BICRAL: variants seen among roughly 807,000 people sequenced by gnomAD.
The protein encoded by BICRAL is BRD4-interacting chromatin-remodeling complex-associated protein-like.
Under a neutral mutation model 91.8 loss-of-function variants are expected in BICRAL, and 8 were observed. The ratio of observed to expected loss-of-function variants is 0.09; its 90% CI spans 0.05 to 0.16. The LOEUF (loss-of-function observed/expected upper bound fraction) is 0.16, where lower values mean the gene tolerates loss of function less well. BICRAL is among the 10% of genes least tolerant of loss of function. BICRAL has a pLI of 1.00. For synonymous variants in BICRAL, 445 were observed against 491.1 expected (o/e 0.91, Z 1.24); for missense variants, 1,038 against 1,310.9 (o/e 0.79, Z 3.21).
At chr6:42,852,569 G>T in intron 7 of BICRAL, 1 of 367,466 alleles carries the variant, frequency 2.7e-6, no homozygotes, top group Non-Finnish European at 5.4e-6. Flanking sequence ...GGCTGAGGCA[G>T]GAGAATCGCT....
At chr6:42,843,590 T>G (rs1764877241) in intron 6 of BICRAL, among the ~76,000 whole-genome samples, 1 of 152,078 alleles carries the variant, frequency 6.6e-6, no homozygotes, top group African/African-American at 2.4e-5. Context: ...TAAGGATGAC[T>G]TACAGGTTTC....
chr6:42,747,659 G>C (rs1335667468), intron 1 of BICRAL, among the ~76,000 whole-genome samples: 1 of 152,214 alleles, frequency 6.6e-6, no homozygotes, highest in Non-Finnish European at 1.5e-5. Context: ...AGAGGCTTGT[G>C]TGTCCGCGTG....
intron 1 of BICRAL, among the ~76,000 whole-genome samples, chr6:42,770,289 C>T (rs935298904): frequency 6.6e-6 from 1 of 152,024 alleles, no homozygotes; most frequent in African/African-American, 2.4e-5. Context: ...AGTGCAGAGG[C>T]GTGATCTCGG....
intron 1 of BICRAL, among the ~76,000 whole-genome samples, chr6:42,784,295 T>G (rs1273708942): frequency 6.6e-6 from 1 of 152,170 alleles, no homozygotes; most frequent in African/African-American, 2.4e-5. Context: ...GTAGTATCTA[T>G]TAGAGATGGG....
chr6:42,857,068 C>T (rs1481745446), intron 9 of BICRAL, 23 bp from the exon 10 acceptor site: 2 of 1,589,132 alleles, frequency 1.3e-6, no homozygotes, highest in South Asian at 1.1e-5. Flanking sequence ...TTTACATTGA[C>T]ATTGACCATT....
chr6:42,774,729 C>G (rs1162996970), intron 1 of BICRAL, among the ~76,000 whole-genome samples: 1 of 151,984 alleles, frequency 6.6e-6, no homozygotes, highest in Non-Finnish European at 1.5e-5. Flanking sequence ...ATTATATGGT[C>G]TAAGGGTATT....
chr6:42,769,410 C>T (rs1433040334), intron 1 of BICRAL, among the ~76,000 whole-genome samples: 2 of 152,184 alleles, frequency 1.3e-5, no homozygotes, highest in African/African-American at 4.8e-5. Flanking sequence ...TCTGCCCTAT[C>T]CTATTGGTCA....
chr6:42,773,637 C>T (rs1406055267), intron 1 of BICRAL, among the ~76,000 whole-genome samples: 1 of 152,152 alleles, frequency 6.6e-6, no homozygotes, highest in Non-Finnish European at 1.5e-5. Context: ...GCCTCAGCAT[C>T]CCGAGTAGCT....
chr6:42,843,604 C>T (rs1276790565), intron 6 of BICRAL, among the ~76,000 whole-genome samples: 2 of 152,052 alleles, frequency 1.3e-5, no homozygotes, highest in Non-Finnish European at 2.9e-5. Context: ...AGGTTTCTGA[C>T]AGTGACACAC....
chr6:42,763,973 G>A (rs372049836), intron 1 of BICRAL, among the ~76,000 whole-genome samples: 157 of 151,704 alleles, frequency 1.0e-3, no homozygotes, highest in African/African-American at 3.7e-3. Flanking sequence ...TGGGCACAGT[G>A]GCTCACACCT....
chr6:42,791,741 GGT>G (rs1028368277), intron 1 of BICRAL, among the ~76,000 whole-genome samples: 20 of 152,208 alleles, frequency 1.3e-4, no homozygotes, highest in African/African-American at 4.8e-4. Flanking sequence ...TAGGACTATA[GGT>G]GTGAACCACT....
intron 2 of BICRAL, among the ~76,000 whole-genome samples, chr6:42,821,480 CAG>C (rs1043130174): frequency 1.3e-5 from 2 of 152,266 alleles, no homozygotes; most frequent in Admixed American, 1.3e-4. Context: ...CCAGAGCCTG[CAG>C]AGACTGCCTG....
rs1277297903 is a variant in BICRAL, at chr6:42,772,309, A to C, written c.-260-9530A>C. 2.6e-5 allele frequency among the ~76,000 whole-genome samples: 4 copies of C among 152,304 alleles called. No individual in the cohort carries two copies. The East Asian group carries it at 7.7e-4, about 29-fold the overall frequency. ...GTTTCTTGGGATTGAGTCTCAAGCA[A>C]AGATGTTTGAAAGCCACTGAGTTAG... On this transcript the variant is annotated intron_variant, in intron 1 of 14. Transcript: ENST00000614467.
intron 1 of BICRAL, among the ~76,000 whole-genome samples, chr6:42,776,843 T>C (rs1762815031): frequency 6.6e-6 from 1 of 152,238 alleles, no homozygotes; most frequent in African/African-American, 2.4e-5. Context: ...GGCTGTATAG[T>C]ACTGCCTGTA....
chr6:42,852,147 ACGG>A lies in BICRAL; in HGVS notation c.1897_1899del (p.Gly633del). ...CCCATTTCTGCTCCCAAGACCACAG[ACGG>A]CCTGAGGCAAGCACAGATCCCTGGG... On this transcript the variant is annotated inframe_deletion, in exon 7 of 13. Transcript: ENST00000314073. 1 of 1,613,836 alleles carries A rather than the reference ACGG, an allele frequency of 6.2e-7. No homozygotes were observed. The highest frequency in any genetic ancestry group is 8.5e-7 in the Non-Finnish European group (1 of 1,179,768).
chr6:42,774,833 T>C (rs1362338994), intron 1 of BICRAL, among the ~76,000 whole-genome samples: 1 of 151,936 alleles, frequency 6.6e-6, no homozygotes, highest in African/African-American at 2.4e-5. Flanking sequence ...TCCCGTAGTT[T>C]TTTTTTTTCT....
chr6:42,832,448 T>C, intron 6 of BICRAL, among the ~76,000 whole-genome samples: 1 of 148,018 alleles, frequency 6.8e-6, no homozygotes. Flanking sequence ...TATATATTAA[T>C]GTATATATCA....
At chr6:42,854,085 C>G (rs987492188) in intron 8 of BICRAL, among the ~76,000 whole-genome samples, 1 of 152,192 alleles carries the variant, frequency 6.6e-6, no homozygotes, top group East Asian at 1.9e-4. Context: ...AAGCGAATCT[C>G]TTCTTCTTAG....
upstream of BICRAL, among the ~76,000 whole-genome samples, chr6:42,746,438 TC>T (rs1483339915): frequency 6.9e-6 from 1 of 144,784 alleles, no homozygotes; most frequent in Non-Finnish European, 1.5e-5. Context: ...GGCCTCCCCC[TC>T]CCCCCAGCTC....
Sources: gnomAD v4.1 joint callset for allele counts (sites outside exome capture counted in the v4.1 genomes callset) on GRCh38, gnomAD v4.1.1 for gene constraint, MANE v1.5 for transcripts, NCBI Gene and HGNC (gene_info 2026-07-23, HGNC 2026-07-21) for gene names.